Variants in LRP1B observed in about 807,000 individuals in gnomAD.
LRP1B encodes LDL receptor related protein 1B.
Under a neutral mutation model 556.6 loss-of-function variants are expected in LRP1B, and 217 were observed. The ratio of observed to expected loss-of-function variants is 0.39; its 90% confidence interval spans 0.35 to 0.44. LRP1B has a LOEUF of 0.44. Ranked by LOEUF, LRP1B falls within the 20% of genes least tolerant of loss-of-function variation. The pLI is 1.00. For missense variants in LRP1B, 5,053 were observed against 5,620.8 expected, an observed-to-expected ratio of 0.90 and a Z score of 3.23; for synonymous variants, 2,047 against 1,865.8, an observed-to-expected ratio of 1.10 and a Z score of -2.50.
chr2:141,528,612 T>A (rs1246279026), intron 2 of LRP1B, among the ~76,000 whole-genome samples: 1 of 152,096 alleles, frequency 6.6e-6, no homozygotes, highest in Non-Finnish European at 1.5e-5. Flanking sequence ...TTTCAATATA[T>A]GACAGATATG....
At chr2:141,231,882 A>T (rs930868395) in intron 5 of LRP1B, among the ~76,000 whole-genome samples, 6 of 152,332 alleles carry the variant, frequency 3.9e-5, no homozygotes, top group Admixed American at 2.6e-4. Flanking sequence ...CAATGAGATT[A>T]TAAAACTAAG....
intron 3 of LRP1B, among the ~76,000 whole-genome samples, chr2:141,380,336 G>A (rs1018248154): frequency 2.0e-5 from 3 of 152,010 alleles, no homozygotes; most frequent in Non-Finnish European, 4.4e-5. Flanking sequence ...TAACTCACTT[G>A]TGCCTGAGAG....
At chr2:141,854,839 A>G (rs553042130) in intron 1 of LRP1B, among the ~76,000 whole-genome samples, 3 of 151,956 alleles carry the variant, frequency 2.0e-5, no homozygotes, top group Non-Finnish European at 4.4e-5. Flanking sequence ...TGTACCTATT[A>G]TTTTCTTTAT....
At chr2:140,670,945 A>T (rs1574221376) in intron 41 of LRP1B, among the ~76,000 whole-genome samples, 1 of 152,350 alleles carries the variant, frequency 6.6e-6, no homozygotes, top group East Asian at 1.9e-4. Flanking sequence ...TACAGAAATC[A>T]GTAAAATGCT....
intron 1 of LRP1B, among the ~76,000 whole-genome samples, chr2:142,045,989 G>A (rs185037678): frequency 2.6e-5 from 4 of 151,960 alleles, no homozygotes; most frequent in East Asian, 1.9e-4. Context: ...CCACTATTTG[G>A]GGTAATGATA....
chr2:141,624,844 A>G (rs1488075706), intron 2 of LRP1B, among the ~76,000 whole-genome samples: 1 of 152,090 alleles, frequency 6.6e-6, no homozygotes, highest in Non-Finnish European at 1.5e-5. Context: ...ATCTCGGCTC[A>G]CTGCAAGCTC....
chr2:141,606,864 G>A (rs1027752168), intron 2 of LRP1B, among the ~76,000 whole-genome samples: 1 of 152,048 alleles, frequency 6.6e-6, no homozygotes, highest in African/African-American at 2.4e-5. Context: ...CAAACTATAC[G>A]AGGAATATAT....
In LRP1B at chr2:140,364,700, C is replaced by T. The variant is rs199912333; in HGVS notation, c.11092G>A (p.Asp3698Asn). Residue 3698 changes from aspartate to asparagine, a missense_variant, in exon 72 of 91, where the codon GAC (aspartate) becomes AAC (asparagine). This residue lies in a region of LRP1B where 599 missense variants were observed against 648.4 expected (regional missense o/e 0.92). Transcript: ENST00000389484. ...LHFWVCDGED[D>N]CGDNSDEAPD... ...GCTTCATCAGAGTTGTCTCCACAGTCGTCCTCTCCATCACACACCCAGAAA... is the reference window on the plus strand; with the variant it reads ...GCTTCATCAGAGTTGTCTCCACAGTTGTCCTCTCCATCACACACCCAGAAA... 3.0e-5 allele frequency: 48 copies of T among 1,610,272 alleles called. No homozygotes were observed. In the East Asian group the frequency reaches 5.1e-4, roughly 17 times the overall value.
intron 2 of LRP1B, among the ~76,000 whole-genome samples, chr2:141,660,710 G>A (rs1394571034): frequency 2.0e-5 from 3 of 152,274 alleles, no homozygotes; most frequent in Admixed American, 1.3e-4. Context: ...ATGGGCTGCC[G>A]TGGTCTCCAC....
At chr2:141,081,589 G>A (rs935513410) in intron 7 of LRP1B, among the ~76,000 whole-genome samples, 24 of 152,234 alleles carry the variant, frequency 1.6e-4, no homozygotes, top group Middle Eastern at 6.8e-3. Context: ...GTTTACTGGA[G>A]GAATAAGAAC....
intron 2 of LRP1B, among the ~76,000 whole-genome samples, chr2:141,699,491 GC>G (rs1454022759): frequency 7.3e-5 from 11 of 151,676 alleles, no homozygotes; most frequent in Non-Finnish European, 4.4e-5. Context: ...ACAATTTTGA[GC>G]CGCTTAATTT....
intron 2 of LRP1B, among the ~76,000 whole-genome samples, chr2:141,772,302 G>A (rs1694926344): frequency 6.6e-6 from 1 of 151,984 alleles, no homozygotes; most frequent in South Asian, 2.1e-4. Context: ...AAACTGACTA[G>A]GAAAACTATT....
rs530365297 is a variant in LRP1B at position 141,618,439 on chromosome 2, T to A, written c.206-137906A>T. Among the ~76,000 whole-genome samples, 6 of 152,354 alleles carry A rather than the reference T, an allele frequency of 3.9e-5. 1 individual carries two copies. The highest frequency in any genetic ancestry group is 1.4e-4 in the African/African-American group (6 of 41,586). ...TCAATTATTCACTTATTCTTTCATTTATTGAACATTCATTGAACATACAGG... is the reference window on the plus strand; with the variant it reads ...TCAATTATTCACTTATTCTTTCATTAATTGAACATTCATTGAACATACAGG... On this transcript the variant is annotated intron_variant, in intron 2 of 90. Coordinates refer to ENST00000389484, the MANE Select transcript of LRP1B (RefSeq NM_018557.3).
intron 41 of LRP1B, among the ~76,000 whole-genome samples, chr2:140,658,693 ATTTAT>A (rs1429206599): frequency 7.4e-6 from 1 of 135,114 alleles, no homozygotes; most frequent in East Asian, 1.9e-4. Context: ...ACATTTATTT[ATTTAT>A]TTATTTATTT....
chr2:140,683,534 A>T, intron 41 of LRP1B: 1 of 625,682 alleles, frequency 1.6e-6, no homozygotes, highest in East Asian at 3.2e-5. Context: ...CATCATATGG[A>T]TTTCCTTGAT....
chr2:141,970,485 G>T (rs2105073838), intron 1 of LRP1B, among the ~76,000 whole-genome samples: 1 of 151,388 alleles, frequency 6.6e-6, no homozygotes, highest in African/African-American at 2.4e-5. Flanking sequence ...TTCTGTTACA[G>T]GAATATCACA....
chr2:140,863,435 G>GC (rs1411262160), intron 27 of LRP1B, among the ~76,000 whole-genome samples: 1 of 152,024 alleles, frequency 6.6e-6, no homozygotes, highest in Non-Finnish European at 1.5e-5. Flanking sequence ...TCTGGGTAAC[G>GC]CCCCCCAATA....
At chr2:140,514,544 T>A in intron 51 of LRP1B, 109 bp downstream of exon 51, 1 of 1,039,994 alleles carries the variant, frequency 9.6e-7, no homozygotes, top group South Asian at 2.6e-5. Context: ...AAGGTACACA[T>A]AAATTTTATG....
chr2:141,568,388 C>A (rs1173489386), intron 2 of LRP1B, among the ~76,000 whole-genome samples: 1 of 151,058 alleles, frequency 6.6e-6, no homozygotes, highest in Non-Finnish European at 1.5e-5. Context: ...CTGAGTGCCT[C>A]AAGAAGTAAA....
Sources: allele counts gnomAD v4.1 joint callset (sites outside exome capture counted in the v4.1 genomes callset), GRCh38; gene constraint gnomAD v4.1.1; regional missense constraint gnomAD v4.1.1; transcripts MANE v1.5; gene names NCBI Gene and HGNC (gene_info 2026-07-23, HGNC 2026-07-21).